ERC2: variants seen among roughly 807,000 people sequenced by gnomAD.
ERC2 encodes ERC protein 2.
Under a neutral mutation model 114.8 loss-of-function variants are expected in ERC2, and 42 were observed. The observed-to-expected ratio is 0.37, with a 90% CI of 0.29 to 0.47. The LOEUF (loss-of-function observed/expected upper bound fraction) is 0.47. Among genes scored for constraint, ERC2 ranks in the 20% least tolerant of loss-of-function variants. The pLI, the probability that ERC2 is intolerant of heterozygous loss-of-function variation, is 0.99. For missense variants in ERC2, 939 were observed against 1,150.7 expected (o/e 0.82, Z 2.66); for synonymous variants, 454 against 425.5 (o/e 1.07, Z -0.82).
intron 3 of ERC2, among the ~76,000 whole-genome samples, chr3:56,251,591 G>A (rs1182090640): frequency 6.6e-6 from 1 of 152,078 alleles, no homozygotes; most frequent in Non-Finnish European, 1.5e-5. Flanking sequence ...ACATTTGGAT[G>A]GCATATTTAA....
chr3:56,111,607 G>A (rs17056443), intron 6 of ERC2, among the ~76,000 whole-genome samples: 2,417 of 152,260 alleles, frequency 0.016, 56 homozygotes, highest in African/African-American at 0.039. Flanking sequence ...ACAAAGCTCA[G>A]TAAGTCAGCC....
intron 7 of ERC2, among the ~76,000 whole-genome samples, chr3:56,064,982 A>C (rs1369274612): frequency 6.6e-6 from 1 of 152,226 alleles, no homozygotes; most frequent in African/African-American, 2.4e-5. Context: ...ACATGCCAGC[A>C]CTGTGCTAAG....
chr3:56,395,685 G>T (rs2060280331), intron 2 of ERC2, among the ~76,000 whole-genome samples: 1 of 152,186 alleles, frequency 6.6e-6, no homozygotes, highest in Non-Finnish European at 1.5e-5. Flanking sequence ...GGCTTCACCA[G>T]AATCTGAGCA....
chr3:56,291,086 T>C (rs890784524), intron 3 of ERC2, among the ~76,000 whole-genome samples: 2 of 152,154 alleles, frequency 1.3e-5, no homozygotes, highest in Non-Finnish European at 2.9e-5. Context: ...GTCAAGAAAA[T>C]AGTAAGCAGG....
intron 17 of ERC2, among the ~76,000 whole-genome samples, chr3:55,609,863 C>A (rs2058812687): frequency 6.6e-6 from 1 of 151,986 alleles, no homozygotes; most frequent in South Asian, 2.1e-4. Flanking sequence ...CTCCTTGGAG[C>A]TCAGACAGCT....
At chr3:55,553,980 A>AG (rs1430557154) in intron 17 of ERC2, among the ~76,000 whole-genome samples, 1 of 152,240 alleles carries the variant, frequency 6.6e-6, no homozygotes, top group Non-Finnish European at 1.5e-5. Flanking sequence ...AATTTTCCAT[A>AG]GTGAATTATG....
At chr3:56,333,085 G>A (rs1190941265) in intron 2 of ERC2, among the ~76,000 whole-genome samples, 5 of 152,172 alleles carry the variant, frequency 3.3e-5, no homozygotes, top group African/African-American at 4.8e-5. Flanking sequence ...GGGATGTCAC[G>A]TAGTAGCCCC....
chr3:56,323,505 T>G (rs1405093277), intron 2 of ERC2, among the ~76,000 whole-genome samples: 1 of 152,090 alleles, frequency 6.6e-6, no homozygotes. Flanking sequence ...TGCAGCCTCA[T>G]GAAGGACCTT....
chr3:56,128,047 G>C (rs747344310), intron 6 of ERC2, among the ~76,000 whole-genome samples: 13 of 152,016 alleles, frequency 8.6e-5, no homozygotes, highest in Non-Finnish European at 1.8e-4. Flanking sequence ...ACTCCAGCAA[G>C]ACTCCATCTC....
chr3:56,287,872 A>G (rs2054826990), intron 3 of ERC2, among the ~76,000 whole-genome samples: 1 of 152,198 alleles, frequency 6.6e-6, no homozygotes, highest in African/African-American at 2.4e-5. Flanking sequence ...CGTTCAGAGT[A>G]TCGATGGAAG....
At chr3:56,112,871 A>AC (rs1486763264) in intron 6 of ERC2, among the ~76,000 whole-genome samples, 2 of 152,170 alleles carry the variant, frequency 1.3e-5, no homozygotes, top group African/African-American at 4.8e-5. Context: ...TGACTTACAT[A>AC]AGTTCAAGCA....
At chr3:56,455,356 C>G (rs149069667) in intron 1 of ERC2, among the ~76,000 whole-genome samples, 5 of 152,298 alleles carry the variant, frequency 3.3e-5, no homozygotes, top group Admixed American at 6.5e-5. Context: ...GTGTTTTACA[C>G]TATCTCTACA....
At chr3:56,168,957 T>TA (rs887607432) in intron 4 of ERC2, among the ~76,000 whole-genome samples, 11 of 151,156 alleles carry the variant, frequency 7.3e-5, no homozygotes, top group South Asian at 2.1e-4. Flanking sequence ...TATTTCCAAT[T>TA]AAAAAAAAAG....
chr3:56,421,382 C>T (rs1270069756), intron 2 of ERC2, among the ~76,000 whole-genome samples: 1 of 152,182 alleles, frequency 6.6e-6, no homozygotes, highest in African/African-American at 2.4e-5. Context: ...TCATCATGCC[C>T]CTTTCTCAGA....
chr3:55,927,951 T>G (rs1274907849), intron 13 of ERC2, among the ~76,000 whole-genome samples: 2 of 152,246 alleles, frequency 1.3e-5, no homozygotes, highest in Non-Finnish European at 2.9e-5. Flanking sequence ...TTCTGTGTTA[T>G]GGCTGAATGG....
Position 55,593,329 on chromosome 3 carries a change from T to A in ERC2, c.*40-82053A>T, listed in dbSNP as rs114282580. ...AGGTCCCATGGGGGTGTGGGAGCACTGAAGGGTCATCCATGGGATTCCAGG... is the reference window on the plus strand; with the variant it reads ...AGGTCCCATGGGGGTGTGGGAGCACAGAAGGGTCATCCATGGGATTCCAGG... On this transcript the variant is annotated intron_variant, in intron 17 of 17. Transcript: ENST00000288221. 5.3e-3 allele frequency among the ~76,000 whole-genome samples: 813 copies of A among 152,260 alleles called. 3 individuals are homozygous for A. The highest frequency in any genetic ancestry group is 0.019 in the African/African-American group (783 of 41,544).
At chr3:55,533,458 C>A (rs536976252) in intron 17 of ERC2, among the ~76,000 whole-genome samples, 1 of 152,338 alleles carries the variant, frequency 6.6e-6, no homozygotes, top group South Asian at 2.1e-4. Context: ...AAGCACACAG[C>A]ATGTCTTTTG....
At chr3:55,659,876 C>G (rs2061046645) in intron 17 of ERC2, among the ~76,000 whole-genome samples, 1 of 151,848 alleles carries the variant, frequency 6.6e-6, no homozygotes, top group Non-Finnish European at 1.5e-5. Flanking sequence ...TCAAGGGTCA[C>G]TACTTCTGGC....
chr3:56,035,529 C>T (rs954704503), intron 7 of ERC2, among the ~76,000 whole-genome samples: 13 of 152,282 alleles, frequency 8.5e-5, no homozygotes, highest in African/African-American at 2.9e-4. Context: ...TGAGGTGGGA[C>T]ATTTTGAGAG....
Sources: allele counts gnomAD v4.1 joint callset (sites outside exome capture counted in the v4.1 genomes callset), GRCh38; gene constraint gnomAD v4.1.1; transcripts MANE v1.5; gene names NCBI Gene and HGNC (gene_info 2026-07-23, HGNC 2026-07-21).